Variants in RTL4 observed in about 807,000 individuals in gnomAD.
RTL4 encodes the protein retrotransposon Gag like 4.
In RTL4, 4 loss-of-function variants were observed where a neutral mutation model predicts 5.3. The observed-to-expected ratio is 0.75, with a 90% CI of 0.37 to 1.72. The LOEUF (loss-of-function observed/expected upper bound fraction) is 1.72, where lower values mean the gene tolerates loss of function less well. Among genes scored for constraint, RTL4 ranks in the 40% most tolerant of loss-of-function variants. RTL4 has a pLI of 0.04. For missense variants in RTL4, 260 were observed against 227.1 expected, an observed-to-expected ratio of 1.14 and a Z score of -0.93; for synonymous variants, 98 against 87.3, an observed-to-expected ratio of 1.12 and a Z score of -0.68.
the RTL4 span, among the ~76,000 whole-genome samples, chrX:112,130,874 A>G: frequency 9.6e-6 from 1 of 104,409 alleles, no homozygotes; most frequent in African/African-American, 3.6e-5. Context: ...GCTCACTGCA[A>G]CCTCCTCCTC....
chrX:112,223,116 A>AT, the RTL4 span, among the ~76,000 whole-genome samples: 1 of 111,828 alleles, frequency 8.9e-6, no homozygotes, highest in African/African-American at 3.3e-5. Context: ...CATCACAGAG[A>AT]TTTTTTCATG....
At chrX:112,199,232 T>C in the RTL4 span, among the ~76,000 whole-genome samples, 1 of 98,402 alleles carries the variant, frequency 1.0e-5, no homozygotes, top group Non-Finnish European at 2.0e-5. Flanking sequence ...GAGCTTGCAG[T>C]GAGCCAAGAT....
the RTL4 span, among the ~76,000 whole-genome samples, chrX:112,248,575 C>G: frequency 5.4e-5 from 6 of 111,979 alleles, no homozygotes; most frequent in East Asian, 1.4e-3. Context: ...GTTCATATAC[C>G]CTATCATTCT....
the RTL4 span, among the ~76,000 whole-genome samples, chrX:112,304,433 T>C: frequency 6.3e-5 from 7 of 110,693 alleles, no homozygotes; most frequent in East Asian, 2.8e-4. Flanking sequence ...AGATGTGGAA[T>C]GAATTGCAGT....
the RTL4 span, among the ~76,000 whole-genome samples, chrX:112,337,840 G>C: frequency 3.8e-4 from 42 of 111,207 alleles, no homozygotes; most frequent in African/African-American, 1.3e-3. Context: ...TGCATGCACA[G>C]TTGTCTCTAT....
rs1204830992 is a variant in RTL4, at chrX:112,454,843, A to G, written c.115A>G (p.Lys39Glu). 14 of 1,209,054 alleles carry G rather than the reference A, an allele frequency of 1.2e-5. 1 individual carries two copies. In the East Asian group the frequency reaches 1.8e-4, roughly 15 times the overall value. The change falls in exon 1 of 1, where the codon AAA becomes GAA. Residue 39 changes from lysine (K) to glutamate (E), a missense_variant. Coordinates refer to ENST00000340433, the Ensembl canonical transcript of RTL4. ...GCATCCAACCACGGAGAACACTGCT[A>G]AAAGGGGCCAAGTCATGCCTGCCCT...
At chrX:112,423,583 G>T in the RTL4 span, among the ~76,000 whole-genome samples, 2 of 110,880 alleles carry the variant, frequency 1.8e-5, no homozygotes, top group South Asian at 7.6e-4. Context: ...CTAGAAGTTT[G>T]TGCTTGATAA....
At chrX:112,181,229 G>C in the RTL4 span, among the ~76,000 whole-genome samples, 3 of 111,620 alleles carry the variant, frequency 2.7e-5, no homozygotes, top group African/African-American at 9.8e-5. Context: ...CAGGGCCCTG[G>C]GTTTCAAGCA....
the RTL4 span, among the ~76,000 whole-genome samples, chrX:112,104,475 T>G: frequency 8.9e-6 from 1 of 111,788 alleles, no homozygotes; most frequent in Non-Finnish European, 1.9e-5. Flanking sequence ...ACCTCCACAC[T>G]GTGTTTCATA....
the RTL4 span, among the ~76,000 whole-genome samples, chrX:112,310,607 T>C: frequency 5.4e-4 from 26 of 48,086 alleles, no homozygotes; most frequent in African/African-American, 9.0e-4. Flanking sequence ...TATATATATT[T>C]ATATATATTT....
At chrX:112,438,712 G>T in the RTL4 span, among the ~76,000 whole-genome samples, 1 of 112,091 alleles carries the variant, frequency 8.9e-6, no homozygotes, top group East Asian at 2.8e-4. Flanking sequence ...CATGATTCTG[G>T]ATCCTAGAGA....
the RTL4 span, among the ~76,000 whole-genome samples, chrX:112,209,768 T>C: frequency 8.9e-6 from 1 of 111,756 alleles, no homozygotes; most frequent in South Asian, 3.8e-4. Flanking sequence ...GCACCTAGTT[T>C]ATGATAGGCA....
chrX:112,179,100 T>A, the RTL4 span, among the ~76,000 whole-genome samples: 1 of 111,658 alleles, frequency 9.0e-6, no homozygotes, highest in Non-Finnish European at 1.9e-5. Context: ...CAGAGTCACA[T>A]TACAGGAGGT....
chrX:112,188,484 A>G, the RTL4 span, among the ~76,000 whole-genome samples: 1 of 111,914 alleles, frequency 8.9e-6, no homozygotes, highest in Admixed American at 9.5e-5. Context: ...TTGGACAGCA[A>G]ATGATGAAAA....
At chrX:112,429,993 C>A in the RTL4 span, among the ~76,000 whole-genome samples, 1 of 110,777 alleles carries the variant, frequency 9.0e-6, no homozygotes, top group Non-Finnish European at 1.9e-5. Context: ...TTGATTTTCT[C>A]AAGTTTAAAT....
chrX:112,298,445 T>G, the RTL4 span, among the ~76,000 whole-genome samples: 1 of 112,336 alleles, frequency 8.9e-6, no homozygotes, highest in African/African-American at 3.2e-5. Flanking sequence ...GCCTGGTTCT[T>G]CCTCTACAAT....
the RTL4 span, among the ~76,000 whole-genome samples, chrX:112,298,431 T>C: frequency 4.5e-5 from 5 of 112,065 alleles, no homozygotes; most frequent in African/African-American, 1.6e-4. Flanking sequence ...GCTTTAGAGG[T>C]TCAGCCTGGT....
chrX:112,115,644 C>T, the RTL4 span, among the ~76,000 whole-genome samples: 1 of 111,527 alleles, frequency 9.0e-6, no homozygotes, highest in African/African-American at 3.3e-5. Context: ...CCTGCCCCCA[C>T]CCCCCCGACA....
the RTL4 span, among the ~76,000 whole-genome samples, chrX:112,154,291 A>G: frequency 8.9e-6 from 1 of 111,963 alleles, no homozygotes; most frequent in Non-Finnish European, 1.9e-5. Flanking sequence ...AATATACTTA[A>G]AGTAGTTGAT....
Sources: gnomAD v4.1 joint callset for allele counts (sites outside exome capture counted in the v4.1 genomes callset) on GRCh38, gnomAD v4.1.1 for gene constraint, MANE v1.5 for transcripts, NCBI Gene and HGNC (gene_info 2026-07-23, HGNC 2026-07-21) for gene names.